The following ANK2 variants were observed in gnomAD, a reference collection of about 807,000 sequenced individuals.
ANK2 encodes the protein ankyrin 2.
ANK2 carries 83 observed loss-of-function variants against 360.5 expected under a neutral mutation model. That is an observed-to-expected ratio of 0.23 (90% CI 0.19 to 0.28). The LOEUF (loss-of-function observed/expected upper bound fraction) is 0.28, where lower values mean the gene tolerates loss of function less well. Ranked by LOEUF, ANK2 falls within the 10% of genes least tolerant of loss-of-function variation. The pLI is 1.00. For missense variants in ANK2, 4,201 were observed against 4,795.7 expected (o/e 0.88, Z 3.66); for synonymous variants, 1,740 against 1,759.5 (o/e 0.99, Z 0.28).
the ANK2 span, among the ~76,000 whole-genome samples, chr4:112,791,466 T>A: frequency 2.0e-5 from 2 of 100,490 alleles, no homozygotes; most frequent in African/African-American, 1.0e-4. Flanking sequence ...GCCTCTTACT[T>A]CTTCTTCTTC....
intron 1 of ANK2, among the ~76,000 whole-genome samples, chr4:112,850,504 CTTTTTTTTTTTTTTTT>C (rs60510554): frequency 1.7e-4 from 1 of 5,820 alleles, no homozygotes; most frequent in Non-Finnish European, 2.9e-4. Flanking sequence ...CTGTGCTAGT[CTTTTTTTTTTTTTTTT>C]TTTTTTTTTT....
chr4:112,905,598 A>T (rs2084920483), intron 2 of ANK2, among the ~76,000 whole-genome samples: 1 of 152,222 alleles, frequency 6.6e-6, no homozygotes, highest in South Asian at 2.1e-4. Context: ...CTAAAGGAGA[A>T]ATAGACAATT....
Position 113,212,092 on chromosome 4 carries a change from G to C in ANK2, c.384+12983G>C, listed in dbSNP as rs143720326. Among the ~76,000 whole-genome samples, 8 of 152,248 alleles carry C rather than the reference G, an allele frequency of 5.3e-5. No homozygotes were observed. In the East Asian group the frequency reaches 1.5e-3, roughly 29 times the overall value. On this transcript the variant is annotated intron_variant, in intron 4 of 45. Transcript: ENST00000357077. ...ATAATTTGCATAGATGTCAGGCATT[G>C]CTTTCTTCATTTTATACAGAGGAAA...
chr4:113,086,011 A>C lies in ANK2; in HGVS notation c.84+36199A>C, dbSNP rs182712574. On this transcript the variant is annotated intron_variant, in intron 1 of 45. Transcript: ENST00000357077. ...TTCAAGTCCCCATAGGCTGTAAGTT[A>C]ATTTACTGACAAACTATAGAAACTG... Among the ~76,000 whole-genome samples, 144 of 152,354 alleles carry C rather than the reference A, an allele frequency of 9.5e-4. 1 individual carries two copies. Among genetic ancestry groups the C allele is most frequent in the African/African-American group, 3.3e-3 (137 of 41,592 alleles).
At chr4:113,242,011 C>A in intron 8 of ANK2, 100 bp from the exon 9 acceptor site, 1 of 906,292 alleles carries the variant, frequency 1.1e-6, no homozygotes, top group Non-Finnish European at 1.8e-6. Context: ...GATCAAATTA[C>A]CACGTAGGTC....
At chr4:112,799,255 C>T in the ANK2 span, among the ~76,000 whole-genome samples, 3 of 152,138 alleles carry the variant, frequency 2.0e-5, no homozygotes, top group African/African-American at 7.2e-5. Flanking sequence ...GGGCAAATGG[C>T]TATTGTGAAT....
chr4:113,229,094 T>C (rs1339051868), intron 4 of ANK2, among the ~76,000 whole-genome samples: 1 of 152,244 alleles, frequency 6.6e-6, no homozygotes, highest in African/African-American at 2.4e-5. Flanking sequence ...CTCCCATTTT[T>C]ACCTTCCCTA....
chr4:112,911,001 A>G (rs964612071), intron 2 of ANK2, among the ~76,000 whole-genome samples: 2 of 141,458 alleles, frequency 1.4e-5, no homozygotes, highest in African/African-American at 5.3e-5. Flanking sequence ...CTCTGTCGAC[A>G]GGCTGGAGTG....
At chr4:113,031,435 T>C (rs1440762481) in intron 2 of ANK2, 1 of 152,050 alleles carries the variant, frequency 6.6e-6, no homozygotes, top group Non-Finnish European at 1.5e-5. Context: ...TGGGCTGACT[T>C]CTTGCTTATT....
At chr4:112,886,520 G>A (rs1412021430) in intron 1 of ANK2, among the ~76,000 whole-genome samples, 1 of 152,112 alleles carries the variant, frequency 6.6e-6, no homozygotes, top group African/African-American at 2.4e-5. Flanking sequence ...AAATCAGCTC[G>A]GTGTGGTGGC....
intron 2 of ANK2, among the ~76,000 whole-genome samples, chr4:113,014,927 C>T (rs1304158928): frequency 2.2e-5 from 3 of 133,592 alleles, no homozygotes; most frequent in Non-Finnish European, 3.0e-5. Context: ...GGCGCGATCT[C>T]GGCTCACTGC....
intron 45 of ANK2, among the ~76,000 whole-genome samples, chr4:113,376,737 C>T (rs1356904567): frequency 2.0e-5 from 3 of 149,672 alleles, no homozygotes; most frequent in African/African-American, 7.4e-5. Flanking sequence ...TCTTCATATC[C>T]TTGTTCTATA....
At chr4:113,130,756 C>G (rs976417433) in intron 1 of ANK2, among the ~76,000 whole-genome samples, 1 of 152,140 alleles carries the variant, frequency 6.6e-6, no homozygotes, top group African/African-American at 2.4e-5. Context: ...ATAATAGATA[C>G]TCTACTGATT....
chr4:112,994,003 C>G (rs910565821), intron 2 of ANK2, among the ~76,000 whole-genome samples: 1 of 152,144 alleles, frequency 6.6e-6, no homozygotes, highest in East Asian at 1.9e-4. Flanking sequence ...CCACCATGCC[C>G]GGCCGGCAAC....
chr4:113,061,940 C>A (rs183242592), intron 1 of ANK2, among the ~76,000 whole-genome samples: 126 of 152,098 alleles, frequency 8.3e-4, no homozygotes, highest in Admixed American at 2.2e-3. Context: ...GCATTGCATG[C>A]CTGTATCAAA....
chr4:112,717,618 G>A, the ANK2 span, among the ~76,000 whole-genome samples: 1 of 152,032 alleles, frequency 6.6e-6, no homozygotes, highest in Non-Finnish European at 1.5e-5. Context: ...CAGTTTATAA[G>A]GAAAAATGTT....
At chr4:113,314,306 T>A (rs960583936) in intron 24 of ANK2, among the ~76,000 whole-genome samples, 1 of 152,226 alleles carries the variant, frequency 6.6e-6, no homozygotes, top group African/African-American at 2.4e-5. Flanking sequence ...ACTCGTTAAG[T>A]TTGCCACTCC....
the ANK2 span, among the ~76,000 whole-genome samples, chr4:112,767,566 CAATAAATAAATAAATA>C: frequency 6.2e-5 from 9 of 144,718 alleles, no homozygotes; most frequent in Non-Finnish European, 1.1e-4. Flanking sequence ...GACCCTGTCT[CAATAAATAAATAAATA>C]AATAAATAAA....
chr4:113,068,282 G>A (rs1408017795), intron 1 of ANK2, among the ~76,000 whole-genome samples: 2 of 152,160 alleles, frequency 1.3e-5, no homozygotes, highest in African/African-American at 4.8e-5. Context: ...GTCTAAACTT[G>A]CTGTGCTGCA....
Sources: gnomAD v4.1 joint callset for allele counts (sites outside exome capture counted in the v4.1 genomes callset) on GRCh38, gnomAD v4.1.1 for gene constraint, MANE v1.5 for transcripts, NCBI Gene and HGNC (gene_info 2026-07-23, HGNC 2026-07-21) for gene names.